The following RASGRF2 variants were observed in gnomAD, a reference collection of about 807,000 sequenced individuals.
RASGRF2 encodes ras-specific guanine nucleotide-releasing factor 2.
Under a neutral mutation model 151.0 loss-of-function variants are expected in RASGRF2, and 76 were observed. The ratio of observed to expected loss-of-function variants is 0.50; its 90% confidence interval spans 0.42 to 0.61. The LOEUF (loss-of-function observed/expected upper bound fraction) is 0.61. RASGRF2 is among the 20% of genes least tolerant of loss of function. RASGRF2 has a pLI of 0.00. For synonymous variants in RASGRF2, 504 were observed against 566.5 expected, an observed-to-expected ratio of 0.89 and a Z score of 1.57; for missense variants, 1,148 against 1,564.6, an observed-to-expected ratio of 0.73 and a Z score of 4.49.
chr5:81,035,856 T>C (rs1343177497), intron 1 of RASGRF2, among the ~76,000 whole-genome samples: 1 of 152,178 alleles, frequency 6.6e-6, no homozygotes, highest in Non-Finnish European at 1.5e-5. Flanking sequence ...GGCAAATTAG[T>C]AATATTTGAA....
At chr5:81,169,793 C>A (rs963046339) in intron 17 of RASGRF2, among the ~76,000 whole-genome samples, 15 of 151,862 alleles carry the variant, frequency 9.9e-5, no homozygotes, top group Non-Finnish European at 1.6e-4. Context: ...TTTGCCCAAA[C>A]CTGCACCACC....
intron 22 of RASGRF2, among the ~76,000 whole-genome samples, chr5:81,209,287 C>T (rs1251258992): frequency 6.6e-6 from 1 of 152,000 alleles, no homozygotes; most frequent in Non-Finnish European, 1.5e-5. Flanking sequence ...TGCTTTTATA[C>T]CTCCCCGCTC....
chr5:81,060,470 C>T (rs1456626150), intron 2 of RASGRF2, among the ~76,000 whole-genome samples: 2 of 152,020 alleles, frequency 1.3e-5, no homozygotes, highest in African/African-American at 4.8e-5. Flanking sequence ...TTCCTGTTCT[C>T]CTCTTACCAT....
intron 18 of RASGRF2, among the ~76,000 whole-genome samples, chr5:81,197,064 T>C (rs1755280655): frequency 6.6e-6 from 1 of 152,216 alleles, no homozygotes; most frequent in Non-Finnish European, 1.5e-5. Context: ...GAAAACATCA[T>C]CTGAAGCCTT....
intron 2 of RASGRF2, among the ~76,000 whole-genome samples, chr5:81,067,228 A>T (rs756533758): frequency 6.6e-6 from 1 of 152,204 alleles, no homozygotes; most frequent in Non-Finnish European, 1.5e-5. Flanking sequence ...AGTAACTATC[A>T]TGAATTATTA....
At chr5:81,146,072 A>C (rs1445859513) in intron 17 of RASGRF2, among the ~76,000 whole-genome samples, 1 of 152,234 alleles carries the variant, frequency 6.6e-6, no homozygotes, top group East Asian at 1.9e-4. Flanking sequence ...GAGGGAGTAT[A>C]TTTGAAATTA....
In RASGRF2 at chr5:81,212,576, G is replaced by C; in HGVS notation, c.3354+13G>C. Reference sequence around the variant, plus strand: ...GGTCTCTAAGCAGGTGAGCCTCAGCGTGTGACACAGCCTGCTGCTAAGAGG... The same window carrying C: ...GGTCTCTAAGCAGGTGAGCCTCAGCCTGTGACACAGCCTGCTGCTAAGAGG... On this transcript the variant is annotated intron_variant, in intron 23 of 26. Transcript: ENST00000265080. The C allele has an allele frequency of 1.3e-6, 2 of 1,595,946 alleles. No homozygotes were observed. The highest frequency in any genetic ancestry group is 1.7e-6 in the Non-Finnish European group (2 of 1,169,452).
At chr5:81,027,566 G>A (rs1200692326) in intron 1 of RASGRF2, among the ~76,000 whole-genome samples, 3 of 152,192 alleles carry the variant, frequency 2.0e-5, no homozygotes, top group Admixed American at 6.5e-5. Flanking sequence ...TTACAGTTAA[G>A]AGATTGCCGA....
chr5:80,966,360 A>G (rs1747721918), intron 1 of RASGRF2, among the ~76,000 whole-genome samples: 1 of 152,146 alleles, frequency 6.6e-6, no homozygotes, highest in Non-Finnish European at 1.5e-5. Context: ...TTTACCTTAA[A>G]CAAAGACTGT....
At position 80,972,671 on chromosome 5, in the gene RASGRF2, G is replaced by A. The variant is rs535168868; in HGVS notation, c.288+11645G>A. Among the ~76,000 whole-genome samples the A allele has an allele frequency of 2.0e-5, 3 of 152,212 alleles. No individual in the cohort carries two copies. The South Asian group carries it at 6.2e-4, about 32-fold the overall frequency. ...ATTTTTATGTTTTTAGTAAAGACAG[G>A]GTTTCATCATGTTGGCCAGGCTGGT... On this transcript the variant is annotated intron_variant, in intron 1 of 26. Coordinates refer to ENST00000265080, the MANE Select transcript of RASGRF2 (RefSeq NM_006909.3).
chr5:81,198,259 C>T (rs1270209874), intron 18 of RASGRF2, among the ~76,000 whole-genome samples: 1 of 152,036 alleles, frequency 6.6e-6, no homozygotes, highest in East Asian at 1.9e-4. Flanking sequence ...CCAGCCCTTG[C>T]CCCCACCTCC....
At chr5:81,050,738 C>T (rs1034082216) in intron 2 of RASGRF2, among the ~76,000 whole-genome samples, 5 of 152,178 alleles carry the variant, frequency 3.3e-5, no homozygotes, top group Non-Finnish European at 7.3e-5. Flanking sequence ...CTTCTTTGAG[C>T]CCTCACTGTA....
At chr5:81,169,466 C>T (rs1363333578) in intron 17 of RASGRF2, among the ~76,000 whole-genome samples, 1 of 152,180 alleles carries the variant, frequency 6.6e-6, no homozygotes, top group Non-Finnish European at 1.5e-5. Context: ...TGCTGGCAAT[C>T]CTTGGGGTTC....
chr5:81,123,590 A>T, intron 15 of RASGRF2, 52 bp from the exon 16 acceptor site: 1 of 1,587,254 alleles, frequency 6.3e-7, no homozygotes, highest in Non-Finnish European at 8.6e-7. Context: ...TACTGACAAG[A>T]AGCTCTTGAA....
At chr5:81,157,328 C>A (rs1580366318) in intron 17 of RASGRF2, among the ~76,000 whole-genome samples, 2 of 149,414 alleles carry the variant, frequency 1.3e-5, no homozygotes, top group African/African-American at 4.9e-5. Context: ...TGCACTCCAG[C>A]CTGGGTGACA....
intron 2 of RASGRF2, among the ~76,000 whole-genome samples, chr5:81,043,851 C>G (rs572788185): frequency 2.0e-5 from 3 of 152,318 alleles, no homozygotes; most frequent in East Asian, 1.9e-4. Context: ...TCTACCACTC[C>G]CGCCCTGAGA....
intron 18 of RASGRF2, 140 bp from the exon 19 acceptor site, chr5:81,201,190 T>A: frequency 7.7e-7 from 1 of 1,301,750 alleles, no homozygotes; most frequent in Non-Finnish European, 1.0e-6. Flanking sequence ...GGACCCTAGG[T>A]GTGGCAGGGA....
At chr5:81,215,841 T>C in intron 23 of RASGRF2, 35 bp from the exon 24 acceptor site, 1 of 1,491,784 alleles carries the variant, frequency 6.7e-7, no homozygotes, top group Non-Finnish European at 8.9e-7. Flanking sequence ...AACCATAGTA[T>C]TTTCATCACA....
intron 17 of RASGRF2, among the ~76,000 whole-genome samples, chr5:81,151,900 A>C (rs913239372): frequency 6.6e-6 from 1 of 152,246 alleles, no homozygotes; most frequent in Admixed American, 6.5e-5. Flanking sequence ...CTTTTTAGAC[A>C]CAATGATTAT....
Sources: gnomAD v4.1 joint callset for allele counts (sites outside exome capture counted in the v4.1 genomes callset) on GRCh38, gnomAD v4.1.1 for gene constraint, MANE v1.5 for transcripts, NCBI Gene and HGNC (gene_info 2026-07-23, HGNC 2026-07-21) for gene names.